Variants in TMED5 observed in about 807,000 individuals in gnomAD.
The protein encoded by TMED5 is transmembrane p24 trafficking protein 5, also known as transmembrane emp24 domain-containing protein 5.
A neutral mutation model predicts 23.0 loss-of-function variants in TMED5; 27 were observed. That is an observed-to-expected ratio of 1.17 (90% CI 0.86 to 1.62). The LOEUF (loss-of-function observed/expected upper bound fraction) is 1.62. Ranked by LOEUF, TMED5 falls within the 40% of genes most tolerant of loss-of-function variation. The pLI is 0.00. For missense variants in TMED5, 248 were observed against 273.7 expected (o/e 0.91, Z 0.66); for synonymous variants, 97 against 100.8 (o/e 0.96, Z 0.23).
At chr1:93,163,072 C>T (rs1419158432) in intron 1 of TMED5, 2 of 151,974 alleles carry the variant, frequency 1.3e-5, no homozygotes, top group African/African-American at 2.4e-5. Context: ...ACAGTGAAAA[C>T]CCATCTCTAA....
chr1:93,154,958 C>G, intron 3 of TMED5, 70 bp from the exon 4 acceptor site: 1 of 1,169,110 alleles, frequency 8.6e-7, no homozygotes, highest in Non-Finnish European at 1.2e-6. Flanking sequence ...AAAAATGAGG[C>G]TGGGTGCAGT....
At chr1:93,176,224 A>C (rs1314944647) in intron 1 of TMED5, among the ~76,000 whole-genome samples, 1 of 152,034 alleles carries the variant, frequency 6.6e-6, no homozygotes, top group African/African-American at 2.4e-5. Context: ...CAGGACCTCA[A>C]AGGTATCTTT....
chr1:93,164,452 G>C (rs753524747), intron 1 of TMED5, among the ~76,000 whole-genome samples: 6 of 152,050 alleles, frequency 3.9e-5, no homozygotes, highest in Admixed American at 2.6e-4. Flanking sequence ...ATCAGTAAAA[G>C]GGTTAATTTT....
At chr1:93,159,823 T>C (rs1358743506) in intron 2 of TMED5, among the ~76,000 whole-genome samples, 2 of 152,190 alleles carry the variant, frequency 1.3e-5, no homozygotes, top group African/African-American at 2.4e-5. Flanking sequence ...ATAGAAAGCT[T>C]GTGCTGGCCA....
At chr1:93,169,676 G>GA (rs201547030) in intron 1 of TMED5, among the ~76,000 whole-genome samples, 101 of 150,192 alleles carry the variant, frequency 6.7e-4, no homozygotes, top group African/African-American at 2.2e-3. Flanking sequence ...GGCAAACCAA[G>GA]AAAAAAAAGA....
At chr1:93,167,636 G>T (rs1231133599) in intron 1 of TMED5, among the ~76,000 whole-genome samples, 1 of 152,120 alleles carries the variant, frequency 6.6e-6, no homozygotes, top group African/African-American at 2.4e-5. Flanking sequence ...TTGTTTATCA[G>T]TTCTAATAGC....
intron 3 of TMED5, among the ~76,000 whole-genome samples, chr1:93,155,136 G>A (rs1286914252): frequency 6.6e-6 from 1 of 152,058 alleles, no homozygotes; most frequent in African/African-American, 2.4e-5. Flanking sequence ...TGAGGTGGGG[G>A]GATCACTTGA....
intron 1 of TMED5, among the ~76,000 whole-genome samples, chr1:93,178,580 G>C (rs547980377): frequency 6.6e-6 from 1 of 152,044 alleles, no homozygotes; most frequent in East Asian, 1.9e-4. Flanking sequence ...GCACAACCCA[G>C]CTCCCCCTCC....
At chr1:93,157,952 G>A (rs936880065) in intron 2 of TMED5, among the ~76,000 whole-genome samples, 20 of 151,760 alleles carry the variant, frequency 1.3e-4, no homozygotes, top group Non-Finnish European at 2.2e-4. Flanking sequence ...GTGAAACCCC[G>A]TCTCTACTAA....
chr1:93,166,625 G>A (rs1648518273), intron 1 of TMED5, among the ~76,000 whole-genome samples: 1 of 151,910 alleles, frequency 6.6e-6, no homozygotes, highest in Admixed American at 6.6e-5. Flanking sequence ...TTTTTTTCCT[G>A]TATAGTTGTT....
chr1:93,170,796 A>C (rs1001473440), intron 1 of TMED5, among the ~76,000 whole-genome samples: 3 of 152,176 alleles, frequency 2.0e-5, no homozygotes, highest in Non-Finnish European at 4.4e-5. Context: ...ACACCAATCC[A>C]CACTCTCTGT....
At chr1:93,156,822 AAAAAAAG>A (rs1648091353) in intron 2 of TMED5, among the ~76,000 whole-genome samples, 1 of 151,288 alleles carries the variant, frequency 6.6e-6, no homozygotes, top group Admixed American at 6.6e-5. Context: ...AAAAAAAAAA[AAAAAAAG>A]AAACCAACAA....
At chr1:93,162,221 A>C (rs1307738284) in intron 1 of TMED5, 1 of 152,218 alleles carries the variant, frequency 6.6e-6, no homozygotes, top group Admixed American at 6.5e-5. Flanking sequence ...TTATTGTTCA[A>C]CAGAACTGGT....
At chr1:93,160,425 T>C (rs1055568675) in intron 1 of TMED5, 199 bp from the exon 2 acceptor site, 11 of 429,172 alleles carry the variant, frequency 2.6e-5, no homozygotes, top group African/African-American at 2.0e-4. Flanking sequence ...TCCTTACCCA[T>C]TTCTCTCACC....
intron 1 of TMED5, among the ~76,000 whole-genome samples, chr1:93,178,853 C>T (rs7553465): frequency 0.53 from 80,005 of 152,056 alleles, 24,249 homozygotes; most frequent in South Asian, 0.68. Flanking sequence ...CAATTCTCTA[C>T]ATCAACTTAA....
At chr1:93,164,524 A>G (rs571162044) in intron 1 of TMED5, among the ~76,000 whole-genome samples, 2 of 152,310 alleles carry the variant, frequency 1.3e-5, no homozygotes, top group South Asian at 2.1e-4. Flanking sequence ...GCCTCAAGTC[A>G]TATGTGAAAA....
rs1648220332 is a variant in TMED5, at chr1:93,160,210, C to A, written c.206G>T (p.Gly69Val). The change falls in exon 2 of 4, where the codon GGA becomes GTA. Residue 69 changes from glycine (G) to valine (V), a missense_variant. Coordinates refer to ENST00000370282, the MANE Select transcript of TMED5 (RefSeq NM_016040.5). ...GGCAAGATGGAAATCAATATCTAAT[C>A]CTGCTCCATCTAAAACCTGTAGAAA... ...EIEYQVLDGAGLDIDFHLASP... is the reference protein window; with the variant it reads ...EIEYQVLDGAVLDIDFHLASP... The A allele has an allele frequency of 1.2e-6, 2 of 1,610,102 alleles. No individual in the cohort carries two copies. Among genetic ancestry groups the A allele is most frequent in the African/African-American group, 1.3e-5 (1 of 74,796 alleles).
intron 1 of TMED5, among the ~76,000 whole-genome samples, chr1:93,179,395 G>T (rs537015602): frequency 6.7e-6 from 1 of 149,310 alleles, no homozygotes; most frequent in African/African-American, 2.5e-5. Flanking sequence ...ACAATGACAC[G>T]AGGGAAATGC....
In TMED5 at chr1:93,154,935, TTTAAC is replaced by T. The variant is rs1648009889; in HGVS notation, c.472-52_472-48del. On this transcript the variant is annotated intron_variant, in intron 3 of 3. Coordinates refer to ENST00000370282, the MANE Select transcript of TMED5 (RefSeq NM_016040.5). The stretch of plus-strand genomic sequence containing the variant: ...TTATTATTAAAGAATGCTCAGAAAT[TTTAAC>T]TTAATTAAAAAATGAGGCTGGGTGC... 2.9e-6 allele frequency: 4 copies of T among 1,356,998 alleles called. No homozygotes were observed. In the South Asian group the frequency reaches 5.4e-5, roughly 18 times the overall value. The allele number at this position is 1,356,998 out of a possible 1,614,324, so 84.1% of individuals were successfully genotyped here. A position where few individuals can be genotyped will look rare whatever the true frequency, so the allele number is the denominator to read the frequency against.
Sources: gnomAD v4.1 joint callset for allele counts (sites outside exome capture counted in the v4.1 genomes callset) on GRCh38, gnomAD v4.1.1 for gene constraint, MANE v1.5 for transcripts, NCBI Gene and HGNC (gene_info 2026-07-23, HGNC 2026-07-21) for gene names.